CAPN14: variants seen among roughly 807,000 people sequenced by gnomAD.
The protein encoded by CAPN14 is calpain 14, also known as calpain-14.
Under a neutral mutation model 101.3 loss-of-function variants are expected in CAPN14, and 94 were observed. The observed-to-expected ratio is 0.93, with a 90% CI of 0.79 to 1.10. CAPN14 has a LOEUF of 1.10. Ranked by LOEUF, CAPN14 falls within the 50% of genes least tolerant of loss-of-function variation. CAPN14 has a pLI of 0.00. For missense variants in CAPN14, 837 were observed against 828.4 expected, an observed-to-expected ratio of 1.01 and a Z score of -0.13; for synonymous variants, 338 against 317.9, an observed-to-expected ratio of 1.06 and a Z score of -0.67.
intron 11 of CAPN14, 53 bp downstream of exon 11, chr2:31,191,882 T>C: frequency 1.4e-6 from 2 of 1,447,018 alleles, no homozygotes; most frequent in Non-Finnish European, 1.8e-6. Context: ...ATGGTAACTG[T>C]TGGTGACCCC....
intron 16 of CAPN14, 150 bp downstream of exon 16, chr2:31,186,278 A>G: frequency 2.1e-6 from 1 of 472,168 alleles, no homozygotes; most frequent in Non-Finnish European, 3.7e-6. Context: ...GCTTTTTCAG[A>G]TCACATAATC....
Position 31,186,484 on chromosome 2 carries a change from T to C in CAPN14, c.1589A>G (p.His530Arg). The C allele has an allele frequency of 6.5e-7, 1 of 1,547,284 alleles. No homozygotes were observed. Among genetic ancestry groups the C allele is most frequent in the Non-Finnish European group, 8.7e-7 (1 of 1,145,302 alleles). The change falls in exon 16 of 22, where the codon CAT becomes CGT. Residue 530 changes from histidine to arginine, a missense_variant and splice_region_variant. By Grantham distance (29) the His-to-Arg change is conservative (BLOSUM62 0). Transcript: ENST00000403897. ...AAGTTGAACTGCATTAATCTCTGGA[T>C]GCTAAATAGAAAGCAGATTGGCAAG... is the stretch of plus-strand genomic sequence containing the variant. ...DEFFTKFFEK[H>R]PEINAVQLQN...
At chr2:31,200,758 C>A in intron 5 of CAPN14, 133 bp from the exon 6 acceptor site, 1 of 833,862 alleles carries the variant, frequency 1.2e-6, no homozygotes, top group Non-Finnish European at 1.8e-6. Context: ...GCAACCCTGA[C>A]ATAGTTTCCA....
In CAPN14 at chr2:31,174,677, C is replaced by T. The variant is rs1558606908; in HGVS notation, c.*4G>A. 1.3e-6 allele frequency: 2 copies of T among 1,551,610 alleles called. No individual in the cohort carries two copies. Among genetic ancestry groups the T allele is most frequent in the African/African-American group, 1.4e-5 (1 of 73,164 alleles). On this transcript the variant is annotated 3_prime_UTR_variant, in exon 22 of 22. Coordinates refer to ENST00000403897, the MANE Select transcript of CAPN14 (RefSeq NM_001145122.2). ...TCAGTGAGGGCAGGTGAGACTCAGC[C>T]TTCTCAGGAGTACAGTGCCATCATC...
chr2:31,178,285 A>T (rs985532336), intron 18 of CAPN14, among the ~76,000 whole-genome samples: 2 of 152,148 alleles, frequency 1.3e-5, no homozygotes, highest in African/African-American at 4.8e-5. Context: ...TTTTGTGAGG[A>T]AACAGCATGA....
upstream of CAPN14, among the ~76,000 whole-genome samples, chr2:31,218,263 C>T (rs558862883): frequency 2.3e-3 from 260 of 112,534 alleles, no homozygotes; most frequent in Non-Finnish European, 3.1e-3. Flanking sequence ...CTCCTAGGTT[C>T]CCACCACCAC....
chr2:31,202,398 T>C lies in CAPN14; in HGVS notation c.296-146A>G, dbSNP rs570819451. ...ATATACTGGGAAGGCGGATGATGAG[T>C]GAGCAGAGGTGGGGCTGGGAGCATT... On this transcript the variant is annotated intron_variant, in intron 3 of 21. Coordinates refer to ENST00000403897, the MANE Select transcript of CAPN14 (RefSeq NM_001145122.2). 9 of 638,340 alleles carry C rather than the reference T, an allele frequency of 1.4e-5. No individual in the cohort carries two copies. The East Asian group carries it at 2.2e-4, about 16-fold the overall frequency. 39.5% of individuals were successfully genotyped at this position (638,340 alleles called of 1,614,324 possible).
chr2:31,232,515 A>G (rs1683224697), intron 1 of CAPN14, among the ~76,000 whole-genome samples: 1 of 152,226 alleles, frequency 6.6e-6, no homozygotes, highest in African/African-American at 2.4e-5. Flanking sequence ...ATTAACTCAC[A>G]GTTCTGCATG....
intron 8 of CAPN14, among the ~76,000 whole-genome samples, chr2:31,194,985 C>A (rs747566282): frequency 6.6e-6 from 1 of 152,142 alleles, no homozygotes; most frequent in Non-Finnish European, 1.5e-5. Context: ...TGGAAACAAA[C>A]GAGGTGAGCC....
chr2:31,227,564 A>G (rs1683062388), intron 1 of CAPN14, among the ~76,000 whole-genome samples: 3 of 152,222 alleles, frequency 2.0e-5, no homozygotes, highest in South Asian at 2.1e-4. Context: ...ATAAAAACGT[A>G]TCAGGTCCTT....
chr2:31,201,220 T>C (rs1163267675), intron 5 of CAPN14, among the ~76,000 whole-genome samples: 2 of 151,606 alleles, frequency 1.3e-5, no homozygotes, highest in Non-Finnish European at 1.5e-5. Flanking sequence ...CATGTGTGTG[T>C]CTGTGTTTGC....
At chr2:31,188,153 C>G (rs1441177139) in intron 14 of CAPN14, among the ~76,000 whole-genome samples, 165 bp downstream of exon 14, 3 of 152,166 alleles carry the variant, frequency 2.0e-5, no homozygotes, top group Non-Finnish European at 4.4e-5. Context: ...GCAAAAACAG[C>G]AAAGCCCAGG....
At chr2:31,187,234 C>T (rs1680940468) in intron 15 of CAPN14, among the ~76,000 whole-genome samples, 1 of 152,154 alleles carries the variant, frequency 6.6e-6, no homozygotes, top group African/African-American at 2.4e-5. Flanking sequence ...ACACCATTAG[C>T]CCTTGCCAGA....
intron 14 of CAPN14, 88 bp downstream of exon 14, chr2:31,188,230 C>T: frequency 3.5e-6 from 4 of 1,156,414 alleles, no homozygotes; most frequent in Non-Finnish European, 5.1e-6. Context: ...CATATCTCCT[C>T]CCCTGACTCC....
Position 31,174,540 on chromosome 2 carries a change from A to T in CAPN14, c.*141T>A. On this transcript the variant is annotated 3_prime_UTR_variant, in exon 22 of 22. Coordinates refer to ENST00000403897, the MANE Select transcript of CAPN14 (RefSeq NM_001145122.2). ...GCACGGGGAGGGCTGCAGAAGAGAA[A>T]CCTTCCCAGCTGAGAAGGTGACGGC... 4.8e-6 allele frequency: 4 copies of T among 825,920 alleles called. No individual in the cohort carries two copies. The South Asian group carries it at 6.5e-5, about 13-fold the overall frequency. The allele number at this position is 825,920 out of a possible 1,614,324, so 51.2% of individuals were successfully genotyped here.
chr2:31,218,789 T>A (rs1364503431), upstream of CAPN14, among the ~76,000 whole-genome samples: 1 of 152,182 alleles, frequency 6.6e-6, no homozygotes, highest in Admixed American at 6.5e-5. Flanking sequence ...CTTCTCCTCA[T>A]CTTTGTCAAG....
At chr2:31,208,117 C>T (rs1048011791) in intron 1 of CAPN14, among the ~76,000 whole-genome samples, 12 of 151,934 alleles carry the variant, frequency 7.9e-5, no homozygotes, top group African/African-American at 2.9e-4. Context: ...ACCCAGGTCA[C>T]AGAAACTCAA....
chr2:31,223,669 C>A (rs552218257), intron 2 of CAPN14, among the ~76,000 whole-genome samples: 4 of 151,606 alleles, frequency 2.6e-5, no homozygotes, highest in African/African-American at 9.7e-5. Context: ...GCTGGGACTA[C>A]AGACGCCCAC....
chr2:31,194,283 A>C, intron 9 of CAPN14, 126 bp downstream of exon 9: 2 of 690,504 alleles, frequency 2.9e-6, no homozygotes, highest in Middle Eastern at 2.4e-4. Context: ...GAGCTCCTAA[A>C]GGGATGGTGC....
Sources: gnomAD v4.1 joint callset for allele counts (sites outside exome capture counted in the v4.1 genomes callset) on GRCh38, gnomAD v4.1.1 for gene constraint, MANE v1.5 for transcripts, NCBI Gene and HGNC (gene_info 2026-07-23, HGNC 2026-07-21) for gene names.